Variants in NSMCE2 observed in about 807,000 individuals in gnomAD.
NSMCE2 encodes E3 SUMO-protein ligase NSE2.
In NSMCE2, 24 loss-of-function variants were observed where a neutral mutation model predicts 23.8. The observed-to-expected ratio is 1.01, with a 90% CI of 0.73 to 1.42. The LOEUF (loss-of-function observed/expected upper bound fraction) is 1.42, where lower values mean the gene tolerates loss of function less well. Among genes scored for constraint, NSMCE2 ranks in the 40% most tolerant of loss-of-function variants. The probability of loss-of-function intolerance (pLI) is 0.00; values close to 1 mark genes in which losing one functional copy is unlikely to be tolerated. For synonymous variants in NSMCE2, 92 were observed against 94.1 expected (o/e 0.98, Z 0.13); for missense variants, 284 against 296.5 (o/e 0.96, Z 0.31).
chr8:125,186,684 A>G (rs1823124039), intron 5 of NSMCE2, among the ~76,000 whole-genome samples: 1 of 152,210 alleles, frequency 6.6e-6, no homozygotes, highest in Non-Finnish European at 1.5e-5. Context: ...ATGCCAGTCA[A>G]CTGATATGGG....
intron 7 of NSMCE2, among the ~76,000 whole-genome samples, chr8:125,366,113 A>G (rs1298525078): frequency 6.6e-6 from 1 of 152,128 alleles, no homozygotes; most frequent in Non-Finnish European, 1.5e-5. Flanking sequence ...CCCTGAGTCC[A>G]GCCAGTGAAG....
chr8:125,346,152 C>T (rs1302649914), intron 5 of NSMCE2, among the ~76,000 whole-genome samples: 3 of 150,384 alleles, frequency 2.0e-5, no homozygotes, highest in Admixed American at 6.6e-5. Flanking sequence ...AGCGAAACTC[C>T]GTCTCAAAAA....
chr8:125,148,269 G>T (rs1820799609), intron 3 of NSMCE2, among the ~76,000 whole-genome samples: 1 of 152,128 alleles, frequency 6.6e-6, no homozygotes, highest in African/African-American at 2.4e-5. Flanking sequence ...CCCAAGCCTT[G>T]CCCATTTCCT....
chr8:125,151,276 A>C lies in NSMCE2; in HGVS notation c.263A>C (p.His88Pro). The change falls in exon 4 of 8, where the codon CAT (histidine) becomes CCT (proline). Residue 88 changes from histidine to proline, a missense_variant and splice_region_variant. Transcript: ENST00000287437. ...YVKAVQSTIN[H>P]VKEERPEKIP... ...AAGGCTGTTCAATCTACAATAAATC[A>C]TGTAAGTTTATACCACTCCCTGGTT... 1 of 1,465,302 alleles carries C rather than the reference A, an allele frequency of 6.8e-7. No individual in the cohort carries two copies. Among genetic ancestry groups the C allele is most frequent in the Non-Finnish European group, 9.6e-7 (1 of 1,046,250 alleles). The allele number at this position is 1,465,302 out of a possible 1,614,324, so 90.8% of individuals were successfully genotyped here.
At chr8:125,126,582 A>G (rs1024688437) in intron 3 of NSMCE2, among the ~76,000 whole-genome samples, 1 of 152,148 alleles carries the variant, frequency 6.6e-6, no homozygotes, top group African/African-American at 2.4e-5. Context: ...TTGATGCACG[A>G]AAGTCCTATT....
intron 1 of NSMCE2, among the ~76,000 whole-genome samples, chr8:125,097,461 T>A (rs1412171763): frequency 6.6e-6 from 1 of 152,216 alleles, no homozygotes; most frequent in Non-Finnish European, 1.5e-5. Flanking sequence ...ATCTCATCGT[T>A]TACTACCTTA....
At chr8:125,242,709 C>T (rs1308858949) in intron 5 of NSMCE2, among the ~76,000 whole-genome samples, 1 of 152,110 alleles carries the variant, frequency 6.6e-6, no homozygotes, top group Non-Finnish European at 1.5e-5. Flanking sequence ...GGAGGGGGGA[C>T]ATATTTTGAA....
At chr8:125,259,560 A>G (rs1826595123) in intron 5 of NSMCE2, among the ~76,000 whole-genome samples, 1 of 152,020 alleles carries the variant, frequency 6.6e-6, no homozygotes, top group Non-Finnish European at 1.5e-5. Flanking sequence ...ATTGTCTTCC[A>G]TGAAACCGGC....
intron 5 of NSMCE2, among the ~76,000 whole-genome samples, chr8:125,322,024 T>A (rs1266697576): frequency 1.3e-5 from 2 of 152,254 alleles, no homozygotes; most frequent in African/African-American, 4.8e-5. Flanking sequence ...AATATTTTTT[T>A]GTTTATTTCA....
At chr8:125,323,127 T>C (rs1190569292) in intron 5 of NSMCE2, among the ~76,000 whole-genome samples, 1 of 152,236 alleles carries the variant, frequency 6.6e-6, no homozygotes, top group African/African-American at 2.4e-5. Flanking sequence ...AACTGTCTAC[T>C]GAATGCAAAC....
intron 5 of NSMCE2, among the ~76,000 whole-genome samples, chr8:125,343,831 TA>T (rs1207330031): frequency 6.6e-6 from 1 of 150,760 alleles, no homozygotes; most frequent in African/African-American, 2.4e-5. Flanking sequence ...CCGTCTCCAC[TA>T]AAAAATAAGA....
At chr8:125,263,593 AC>A (rs1199121514) in intron 5 of NSMCE2, among the ~76,000 whole-genome samples, 1 of 152,120 alleles carries the variant, frequency 6.6e-6, no homozygotes, top group Non-Finnish European at 1.5e-5. Flanking sequence ...CTACTAAAAT[AC>A]AAAAAATTAG....
intron 5 of NSMCE2, among the ~76,000 whole-genome samples, chr8:125,298,312 CTTTG>C (rs1027968128): frequency 3.9e-5 from 6 of 152,202 alleles, no homozygotes; most frequent in African/African-American, 1.2e-4. Flanking sequence ...GTTGCAAGTA[CTTTG>C]TTTAAGTTAA....
At chr8:125,324,132 T>C (rs1829553300) in intron 5 of NSMCE2, among the ~76,000 whole-genome samples, 1 of 152,168 alleles carries the variant, frequency 6.6e-6, no homozygotes, top group South Asian at 2.1e-4. Context: ...GAAATACCAC[T>C]ACACACCTAT....
intron 5 of NSMCE2, among the ~76,000 whole-genome samples, chr8:125,253,669 ATG>A (rs1340635333): frequency 6.6e-6 from 1 of 152,178 alleles, no homozygotes; most frequent in East Asian, 1.9e-4. Flanking sequence ...GCAGCATCTC[ATG>A]TGACTTATCT....
chr8:125,331,192 C>T (rs999680334), intron 5 of NSMCE2, among the ~76,000 whole-genome samples: 4 of 152,056 alleles, frequency 2.6e-5, no homozygotes, highest in Admixed American at 2.6e-4. Context: ...CCCAGCTACT[C>T]GGGAGGCTGA....
At chr8:125,221,037 C>T (rs1563727620) in intron 5 of NSMCE2, among the ~76,000 whole-genome samples, 1 of 152,134 alleles carries the variant, frequency 6.6e-6, no homozygotes, top group East Asian at 1.9e-4. Context: ...ATATAGGATA[C>T]CAGTCCTGCA....
intron 5 of NSMCE2, among the ~76,000 whole-genome samples, chr8:125,206,230 A>T (rs1488280250): frequency 6.6e-6 from 1 of 152,214 alleles, no homozygotes; most frequent in African/African-American, 2.4e-5. Flanking sequence ...AAATAAAATA[A>T]TCCAGTTAGA....
At chr8:125,344,742 C>CA (rs11389668) in intron 5 of NSMCE2, among the ~76,000 whole-genome samples, 132,536 of 142,526 alleles carry the variant, frequency 0.93, 61,596 homozygotes, top group Middle Eastern at 0.99. Context: ...GACTTCATCT[C>CA]AAAAAAAAAA....
Sources: gnomAD v4.1 joint callset for allele counts (sites outside exome capture counted in the v4.1 genomes callset) on GRCh38, gnomAD v4.1.1 for gene constraint, MANE v1.5 for transcripts, NCBI Gene and HGNC (gene_info 2026-07-23, HGNC 2026-07-21) for gene names.